CNTNAP4: variants seen among roughly 807,000 people sequenced by gnomAD.
The protein encoded by CNTNAP4 is contactin associated protein family member 4.
Under a neutral mutation model 148.4 loss-of-function variants are expected in CNTNAP4, and 98 were observed. The ratio of observed to expected loss-of-function variants is 0.66; its 90% CI spans 0.56 to 0.78. CNTNAP4 has a LOEUF of 0.78. Among genes scored for constraint, CNTNAP4 ranks in the 30% least tolerant of loss-of-function variants. CNTNAP4 has a pLI of 0.00. For synonymous variants in CNTNAP4, 730 were observed against 565.1 expected (o/e 1.29, Z -4.14); for missense variants, 1,935 against 1,565.6 (o/e 1.24, Z -3.98).
intron 15 of CNTNAP4, among the ~76,000 whole-genome samples, chr16:76,513,530 T>C (rs2083113131): frequency 6.6e-6 from 1 of 152,216 alleles, no homozygotes; most frequent in Non-Finnish European, 1.5e-5. Context: ...GCAATAAGTA[T>C]ATTATGAATA....
chr16:76,507,621 C>A (rs1252240885), intron 15 of CNTNAP4, among the ~76,000 whole-genome samples: 3 of 97,650 alleles, frequency 3.1e-5, no homozygotes, highest in African/African-American at 7.7e-5. Flanking sequence ...TAGTTTAAGA[C>A]TCACAGCTCT....
intron 15 of CNTNAP4, among the ~76,000 whole-genome samples, chr16:76,503,671 C>T (rs1392405832): frequency 6.6e-6 from 1 of 151,858 alleles, no homozygotes; most frequent in Non-Finnish European, 1.5e-5. Flanking sequence ...AATGCTATCC[C>T]TCCCCCTTCC....
In CNTNAP4 at chr16:76,522,270, T is replaced by C. The variant is rs2083486479; in HGVS notation, c.2755+13T>C. On this transcript the variant is annotated intron_variant, in intron 17 of 23. Coordinates refer to ENST00000611870, the MANE Select transcript of CNTNAP4 (RefSeq NM_033401.5). ...CAGCTCTTCGTGGGTAAGTTCTCTTTTTAAGCAATCATTTTATTGTATGAT... is the reference window on the plus strand; with the variant it reads ...CAGCTCTTCGTGGGTAAGTTCTCTTCTTAAGCAATCATTTTATTGTATGAT... 1.2e-6 allele frequency: 2 copies of C among 1,609,790 alleles called. No homozygotes were observed. Among genetic ancestry groups the C allele is most frequent in the African/African-American group, 1.3e-5 (1 of 74,826 alleles).
intron 4 of CNTNAP4, among the ~76,000 whole-genome samples, chr16:76,437,933 A>G (rs1441403275): frequency 1.3e-5 from 2 of 152,176 alleles, no homozygotes; most frequent in African/African-American, 4.8e-5. Flanking sequence ...CTGTCCATAA[A>G]ATTATAAGTG....
At chr16:76,296,406 A>G (rs1000142019) in intron 1 of CNTNAP4, among the ~76,000 whole-genome samples, 6 of 152,314 alleles carry the variant, frequency 3.9e-5, no homozygotes, top group South Asian at 4.1e-4. Context: ...AGTTATTTCA[A>G]TGCTTTGGGA....
intron 3 of CNTNAP4, among the ~76,000 whole-genome samples, chr16:76,412,507 A>C (rs1235263204): frequency 6.6e-6 from 1 of 151,378 alleles, no homozygotes; most frequent in Non-Finnish European, 1.5e-5. Context: ...CATTCTTGAA[A>C]ACACTTGGTA....
chr16:76,473,438 T>C (rs2081442276), intron 10 of CNTNAP4, among the ~76,000 whole-genome samples: 1 of 152,158 alleles, frequency 6.6e-6, no homozygotes, highest in South Asian at 2.1e-4. Context: ...ATATTGTTTT[T>C]AGTTAAAATT....
intron 1 of CNTNAP4, among the ~76,000 whole-genome samples, chr16:76,295,074 T>C (rs1229516301): frequency 6.6e-6 from 1 of 152,180 alleles, no homozygotes; most frequent in Non-Finnish European, 1.5e-5. Flanking sequence ...TTCCTGGTCC[T>C]GTAGAAAAAC....
intron 21 of CNTNAP4, among the ~76,000 whole-genome samples, chr16:76,541,625 C>T (rs1165591990): frequency 6.6e-6 from 1 of 152,038 alleles, no homozygotes; most frequent in Non-Finnish European, 1.5e-5. Flanking sequence ...GTTATTTGTA[C>T]CTCAATTAAT....
At chr16:76,334,165 A>G (rs1273507881) in intron 2 of CNTNAP4, among the ~76,000 whole-genome samples, 2 of 141,712 alleles carry the variant, frequency 1.4e-5, no homozygotes, top group African/African-American at 5.3e-5. Context: ...CATGTACCCT[A>G]AAACTTAAAG....
Position 76,452,413 on chromosome 16 carries a change from G to A in CNTNAP4, c.1072-95G>A, listed in dbSNP as rs142342411. On this transcript the variant is annotated intron_variant, in intron 7 of 23. Transcript: ENST00000611870. ...TGATAGCAGGCAGTTGTTTTAAATC[G>A]CGGATAATGTGAGATTGAAAAGCAG... 327 of 1,250,472 alleles carry A rather than the reference G, an allele frequency of 2.6e-4. No homozygotes were observed. In the African/African-American group the frequency reaches 4.3e-3, roughly 16 times the overall value. 77.5% of individuals were successfully genotyped at this position (1,250,472 alleles called of 1,614,324 possible). A position where few individuals can be genotyped will look rare whatever the true frequency, so the allele number is the denominator to read the frequency against.
intron 3 of CNTNAP4, among the ~76,000 whole-genome samples, chr16:76,418,405 A>G (rs35068965): frequency 1.9e-5 from 1 of 53,856 alleles, no homozygotes; most frequent in Non-Finnish European, 4.5e-5. Context: ...ATATATATAT[A>G]TTTTTATTAT....
At chr16:76,358,903 T>C (rs1197484153) in intron 3 of CNTNAP4, among the ~76,000 whole-genome samples, 1 of 152,178 alleles carries the variant, frequency 6.6e-6, no homozygotes, top group Non-Finnish European at 1.5e-5. Flanking sequence ...TGTATGTATG[T>C]GTATGTATTT....
chr16:76,439,489 C>T (rs1225535812), intron 4 of CNTNAP4, among the ~76,000 whole-genome samples: 1 of 152,122 alleles, frequency 6.6e-6, no homozygotes, highest in South Asian at 2.1e-4. Flanking sequence ...TAGGTGACTT[C>T]TGTGACATTG....
intron 3 of CNTNAP4, among the ~76,000 whole-genome samples, chr16:76,378,523 GGTCT>G (rs1210312302): frequency 6.6e-6 from 1 of 152,142 alleles, no homozygotes; most frequent in Non-Finnish European, 1.5e-5. Flanking sequence ...GTAAACTCCA[GGTCT>G]GTCCATATCA....
chr16:76,546,600 T>A (rs1046329273), intron 21 of CNTNAP4, among the ~76,000 whole-genome samples: 8 of 152,208 alleles, frequency 5.3e-5, no homozygotes, highest in African/African-American at 1.9e-4. Flanking sequence ...TATGGCCAAT[T>A]GTATAATTAT....
chr16:76,458,531 A>C (rs2080820530), intron 8 of CNTNAP4, among the ~76,000 whole-genome samples: 1 of 152,078 alleles, frequency 6.6e-6, no homozygotes, highest in Admixed American at 6.6e-5. Context: ...TGAGACAGTG[A>C]CCATCAAGCA....
At chr16:76,365,969 T>C (rs574636590) in intron 3 of CNTNAP4, among the ~76,000 whole-genome samples, 2 of 152,298 alleles carry the variant, frequency 1.3e-5, no homozygotes, top group African/African-American at 4.8e-5. Context: ...ATTTATTGAT[T>C]TGCTTAATTT....
chr16:76,531,804 A>G (rs906123582), intron 17 of CNTNAP4, among the ~76,000 whole-genome samples: 1 of 152,208 alleles, frequency 6.6e-6, no homozygotes, highest in Admixed American at 6.5e-5. Flanking sequence ...CATGTATGAC[A>G]CAACGGTTTG....
Sources: allele counts gnomAD v4.1 joint callset (sites outside exome capture counted in the v4.1 genomes callset), GRCh38; gene constraint gnomAD v4.1.1; transcripts MANE v1.5; gene names NCBI Gene and HGNC (gene_info 2026-07-23, HGNC 2026-07-21).